The following ADAMTS19 variants were observed in gnomAD, a reference collection of about 807,000 sequenced individuals.
The protein encoded by ADAMTS19 is ADAM metallopeptidase with thrombospondin type 1 motif 19, also known as A disintegrin and metalloproteinase with thrombospondin motifs 19.
A neutral mutation model predicts 153.3 loss-of-function variants in ADAMTS19; 93 were observed. That is an observed-to-expected ratio of 0.61 (90% CI 0.51 to 0.72). The LOEUF is 0.72. Among genes scored for constraint, ADAMTS19 ranks in the 30% least tolerant of loss-of-function variants. The pLI, the probability that ADAMTS19 is intolerant of heterozygous loss-of-function variation, is 0.00. For synonymous variants in ADAMTS19, 600 were observed against 556.6 expected (o/e 1.08, Z -1.10); for missense variants, 1,482 against 1,552.1 (o/e 0.95, Z 0.76).
intron 7 of ADAMTS19, among the ~76,000 whole-genome samples, chr5:129,563,285 A>T (rs1310451336): frequency 6.6e-6 from 1 of 152,094 alleles, no homozygotes; most frequent in African/African-American, 2.4e-5. Context: ...GCAATTATTG[A>T]GGTCATCTTT....
intron 8 of ADAMTS19, among the ~76,000 whole-genome samples, chr5:129,608,087 T>C (rs1360403808): frequency 5.5e-3 from 95 of 17,392 alleles, no homozygotes; most frequent in African/African-American, 0.01. Flanking sequence ...GAATTTTATA[T>C]ATATGTGTGT....
chr5:129,503,593 C>T (rs1432917422), intron 2 of ADAMTS19, among the ~76,000 whole-genome samples: 1 of 152,090 alleles, frequency 6.6e-6, no homozygotes, highest in Non-Finnish European at 1.5e-5. Flanking sequence ...GGTCCCAGTA[C>T]TTTGGGAGGC....
chr5:129,539,021 G>C (rs1033544289), intron 6 of ADAMTS19, among the ~76,000 whole-genome samples: 1 of 152,052 alleles, frequency 6.6e-6, no homozygotes, highest in African/African-American at 2.4e-5. Context: ...ATTGTTTCAT[G>C]CTATACACAG....
intron 2 of ADAMTS19, among the ~76,000 whole-genome samples, chr5:129,474,542 C>T (rs971563870): frequency 6.6e-6 from 1 of 152,082 alleles, no homozygotes; most frequent in African/African-American, 2.4e-5. Flanking sequence ...ATTCCAGTTT[C>T]TCAACATCCT....
intron 13 of ADAMTS19, among the ~76,000 whole-genome samples, chr5:129,649,665 A>G (rs1281804220): frequency 6.6e-6 from 1 of 152,136 alleles, no homozygotes; most frequent in East Asian, 1.9e-4. Context: ...TGGTTGCACA[A>G]ATCTACAAAT....
At chr5:129,628,679 T>A (rs1752161807) in intron 10 of ADAMTS19, among the ~76,000 whole-genome samples, 1 of 152,104 alleles carries the variant, frequency 6.6e-6, no homozygotes, top group Non-Finnish European at 1.5e-5. Context: ...TAATGACATT[T>A]CAGTCAATGG....
chr5:129,639,601 G>A (rs1752705330), intron 10 of ADAMTS19, among the ~76,000 whole-genome samples: 1 of 152,038 alleles, frequency 6.6e-6, no homozygotes, highest in Admixed American at 6.6e-5. Context: ...ATGGTGGAAG[G>A]GCAGAATGTA....
At chr5:129,544,990 C>T (rs1484253875) in intron 6 of ADAMTS19, among the ~76,000 whole-genome samples, 1 of 152,036 alleles carries the variant, frequency 6.6e-6, no homozygotes, top group Non-Finnish European at 1.5e-5. Flanking sequence ...CAACTTACAC[C>T]ATGAGGCAAC....
chr5:129,505,811 T>G lies in ADAMTS19; in HGVS notation c.748-3266T>G, dbSNP rs148929576. ...AGATAGAAATAAATTAGAAAACAAC[T>G]GTTAAACCTTATTTTACATCCAGAT... On this transcript the variant is annotated intron_variant, in intron 2 of 22. Coordinates refer to ENST00000274487, the MANE Select transcript of ADAMTS19 (RefSeq NM_133638.6). 2.9e-3 allele frequency among the ~76,000 whole-genome samples: 440 copies of G among 152,258 alleles called. 3 individuals carry two copies. Among genetic ancestry groups the G allele is most frequent in the African/African-American group, 9.9e-3 (411 of 41,576 alleles).
At chr5:129,697,396 C>T (rs72792833) in intron 19 of ADAMTS19, among the ~76,000 whole-genome samples, 12,337 of 152,216 alleles carry the variant, frequency 0.081, 599 homozygotes, top group Middle Eastern at 0.14. Context: ...GTAGTAGAAG[C>T]TGATTATCAA....
At chr5:129,622,551 A>T (rs1022873579) in intron 10 of ADAMTS19, among the ~76,000 whole-genome samples, 3 of 152,226 alleles carry the variant, frequency 2.0e-5, no homozygotes, top group African/African-American at 7.2e-5. Context: ...ATCAAAGTGA[A>T]TAAAGAAAGA....
In ADAMTS19 at chr5:129,527,870, G is replaced by A. The variant is rs1237791695; in HGVS notation, c.1170+39G>A. ...GAGTTTTTTATTAAATTAAATGGGG[G>A]AGAAATTTTGTTCAGAAACTTTTAA... is the stretch of plus-strand genomic sequence containing the variant. On this transcript the variant is annotated intron_variant, in intron 5 of 22. Coordinates refer to ENST00000274487, the MANE Select transcript of ADAMTS19 (RefSeq NM_133638.6). 5 of 1,297,396 alleles carry A rather than the reference G, an allele frequency of 3.9e-6. No homozygotes were observed. The South Asian group carries it at 5.1e-5, about 13-fold the overall frequency. 80.4% of individuals were successfully genotyped at this position (1,297,396 alleles called of 1,614,324 possible).
At chr5:129,632,144 A>G (rs1752326320) in intron 10 of ADAMTS19, among the ~76,000 whole-genome samples, 1 of 152,060 alleles carries the variant, frequency 6.6e-6, no homozygotes, top group Non-Finnish European at 1.5e-5. Context: ...CATAGATAAT[A>G]TGTAATGGGA....
chr5:129,612,969 T>G (rs184873919), intron 8 of ADAMTS19, among the ~76,000 whole-genome samples: 2 of 152,080 alleles, frequency 1.3e-5, no homozygotes, highest in Non-Finnish European at 2.9e-5. Context: ...AAGGGATCAA[T>G]TGAAAAAGAA....
At chr5:129,599,523 C>T (rs901253209) in intron 8 of ADAMTS19, among the ~76,000 whole-genome samples, 3 of 151,882 alleles carry the variant, frequency 2.0e-5, no homozygotes, top group African/African-American at 4.8e-5. Context: ...ATTTTTAAAC[C>T]GATATGTTTA....
chr5:129,729,731 A>G (rs1426481631), intron 21 of ADAMTS19, among the ~76,000 whole-genome samples: 1 of 152,078 alleles, frequency 6.6e-6, no homozygotes, highest in East Asian at 1.9e-4. Flanking sequence ...CTATTCAGCC[A>G]TTATCTGCTA....
At chr5:129,475,236 G>T (rs938899809) in intron 2 of ADAMTS19, among the ~76,000 whole-genome samples, 5 of 151,532 alleles carry the variant, frequency 3.3e-5, no homozygotes, top group African/African-American at 1.2e-4. Context: ...TCAATCCTAT[G>T]ATTCATTAGC....
chr5:129,559,671 A>G (rs537983242), intron 7 of ADAMTS19, among the ~76,000 whole-genome samples: 16 of 152,302 alleles, frequency 1.1e-4, no homozygotes, highest in African/African-American at 3.8e-4. Context: ...AGAATCCTAT[A>G]TGCATTAAAG....
chr5:129,562,948 G>A (rs765623638), intron 7 of ADAMTS19, among the ~76,000 whole-genome samples: 20 of 151,936 alleles, frequency 1.3e-4, no homozygotes, highest in Non-Finnish European at 2.4e-4. Flanking sequence ...TGAATATTCT[G>A]ATTTTATGTA....
Sources: gnomAD v4.1 joint callset for allele counts (sites outside exome capture counted in the v4.1 genomes callset) on GRCh38, gnomAD v4.1.1 for gene constraint, MANE v1.5 for transcripts, NCBI Gene and HGNC (gene_info 2026-07-23, HGNC 2026-07-21) for gene names.